The following RUVBL1 variants were observed in gnomAD, a reference collection of about 807,000 sequenced individuals.
RUVBL1 encodes RuvB like AAA ATPase 1, also known as ruvB-like 1.
Under a neutral mutation model 52.4 loss-of-function variants are expected in RUVBL1, and 4 were observed. The observed-to-expected ratio is 0.08, with a 90% CI of 0.04 to 0.17. RUVBL1 has a LOEUF of 0.17. RUVBL1 is among the 10% of genes least tolerant of loss of function. The probability of loss-of-function intolerance (pLI) is 1.00; values close to 1 mark genes in which losing one functional copy is unlikely to be tolerated. For missense variants in RUVBL1, 298 were observed against 572.8 expected (o/e 0.52, Z 4.90); for synonymous variants, 217 against 214.4 (o/e 1.01, Z -0.10).
intron 1 of RUVBL1, among the ~76,000 whole-genome samples, chr3:128,121,264 T>G (rs1384980406): frequency 9.9e-5 from 15 of 151,536 alleles, no homozygotes; most frequent in Non-Finnish European, 2.9e-5. Context: ...CCCGGCTAAT[T>G]TTTGTATTTT....
intron 1 of RUVBL1, among the ~76,000 whole-genome samples, chr3:128,130,233 T>TA (rs59553853): frequency 0.15 from 23,478 of 151,796 alleles, 2,182 homozygotes; most frequent in African/African-American, 0.26. Context: ...TATACAGAAA[T>TA]AAAAGGAATA....
chr3:128,066,773 A>C, intron 9 of RUVBL1: 1 of 598,994 alleles, frequency 1.7e-6, no homozygotes, highest in South Asian at 2.1e-5. Context: ...GGATGTGCCA[A>C]GTGCAGGAGT....
At position 128,081,366 on chromosome 3, in the gene RUVBL1, T is replaced by A; in HGVS notation, c.1255A>T (p.Ile419Phe). 3.7e-6 allele frequency: 6 copies of A among 1,614,182 alleles called. No homozygotes were observed. The highest frequency in any genetic ancestry group is 5.1e-6 in the Non-Finnish European group (6 of 1,179,998). ...LLTPANLLAK[I>F]NGKDSIEKEH... ...TTCTCAATGCTGTCCTTCCCGTTGA[T>A]TTTAGCAAGCAAGTTGGCCGGGGTC... The change falls in exon 11 of 11, where the codon ATC becomes TTC. Residue 419 changes from isoleucine (I) to phenylalanine (F), a missense_variant. By Grantham distance (21) the Ile-to-Phe change is conservative. Transcript: ENST00000322623. This position sits in a 1 kb window ranked among gnomAD's most constrained non-coding sequence, Gnocchi z 4.8.
chr3:128,133,563 G>C (rs988687528), intron 1 of RUVBL1, among the ~76,000 whole-genome samples: 2 of 152,108 alleles, frequency 1.3e-5, no homozygotes, highest in African/African-American at 4.8e-5. Context: ...TTTGTTCCTG[G>C]GAAAGTACGG....
At chr3:128,140,228 G>GT (rs372296453) in intron 1 of RUVBL1, among the ~76,000 whole-genome samples, 24,052 of 53,040 alleles carry the variant, frequency 0.45, 5,327 homozygotes, top group African/African-American at 0.65. Context: ...TTTTTTGTTT[G>GT]TTTGTTTTTT....
At chr3:128,152,482 T>A (rs1390368369) in intron 1 of RUVBL1, among the ~76,000 whole-genome samples, 1 of 152,204 alleles carries the variant, frequency 6.6e-6, no homozygotes, top group East Asian at 1.9e-4. Flanking sequence ...TGCTCCTTTT[T>A]ATCTCAGCTT....
Position 128,073,354 on chromosome 3 carries a change from C to T in RUVBL1, c.940-8134G>A, listed in dbSNP as rs558668420. On this transcript the variant is annotated intron_variant, in intron 9 of 9. Transcript: ENST00000464873. ...CTGATGCCCTACCCCATACCCCGCC[C>T]CCAGCCTGCTCCTGCTGAAGCCAGG... Among the ~76,000 whole-genome samples the T allele has an allele frequency of 1.9e-3, 284 of 152,312 alleles. 1 individual carries two copies. The highest frequency in any genetic ancestry group is 3.4e-3 in the Non-Finnish European group (234 of 68,028).
chr3:128,107,367 T>C (rs1943267933), intron 3 of RUVBL1, among the ~76,000 whole-genome samples: 1 of 152,226 alleles, frequency 6.6e-6, no homozygotes, highest in Non-Finnish European at 1.5e-5. Flanking sequence ...AACTCACAAA[T>C]GTGGAGACAT....
intron 2 of RUVBL1, 54 bp downstream of exon 2, chr3:128,119,274 A>G (rs925484286): frequency 2.0e-5 from 27 of 1,383,156 alleles, no homozygotes; most frequent in Non-Finnish European, 2.8e-5. Context: ...AATTTGGCTT[A>G]GACACTAGGA....
At chr3:128,097,273 C>A in intron 8 of RUVBL1, 27 bp downstream of exon 8, 1 of 1,606,728 alleles carries the variant, frequency 6.2e-7, no homozygotes, top group South Asian at 1.1e-5. Context: ...TTAAAAAAGC[C>A]TTGTGGCTGG....
intron 1 of RUVBL1, among the ~76,000 whole-genome samples, chr3:128,140,196 C>G (rs1160980275): frequency 1.3e-5 from 2 of 148,580 alleles, no homozygotes; most frequent in Admixed American, 1.4e-4. Context: ...TAAAAACTTC[C>G]TCAATATGAT....
intron 9 of RUVBL1, chr3:128,075,185 CAGAT>C (rs1052363746): frequency 3.3e-5 from 5 of 152,358 alleles, no homozygotes; most frequent in African/African-American, 9.6e-5. Context: ...ATACTGTCCT[CAGAT>C]AGCAGATATT....
chr3:128,067,417 C>G lies in RUVBL1; in HGVS notation c.940-2197G>C. The stretch of plus-strand genomic sequence containing the variant: ...TCACATGCGTTTGGTTTCTTCTTCC[C>G]CAGGACACGTCTTCTGGGGGCCCAG... On this transcript the variant is annotated intron_variant, in intron 9 of 9. Transcript: ENST00000464873. The surrounding 1 kb of genome is among the most constrained non-coding windows in gnomAD (Gnocchi z 4.1). 6.2e-7 allele frequency: 1 copy of G among 1,609,396 alleles called. No individual in the cohort carries two copies. Among genetic ancestry groups the G allele is most frequent in the Non-Finnish European group, 8.5e-7 (1 of 1,178,284 alleles).
chr3:128,095,300 T>C (rs1942943241), intron 8 of RUVBL1, among the ~76,000 whole-genome samples: 2 of 152,246 alleles, frequency 1.3e-5, no homozygotes, highest in Admixed American at 1.3e-4. Flanking sequence ...GGGAAGCCTA[T>C]TAGCAGAGCT....
Position 128,104,895 on chromosome 3 carries a change from A to C in RUVBL1, c.391T>G (p.Tyr131Asp). ...GTTAGCTCTGTGACTTCACCTTCATAAACTTCCTTGGTCTCCTTTATTCGC... is the reference window on the plus strand; with the variant it reads ...GTTAGCTCTGTGACTTCACCTTCATCAACTTCCTTGGTCTCCTTTATTCGC... ...GLRIKETKEV[Y>D]EGEVTELTPC... Residue 131 changes from tyrosine (Y) to aspartate (D), a missense_variant, in exon 4 of 11, where the codon TAT (tyrosine) becomes GAT (aspartate). Physicochemically the swap from Tyr to Asp is radical, Grantham distance 160 (BLOSUM62 -3). Coordinates refer to ENST00000322623, the MANE Select transcript of RUVBL1 (RefSeq NM_003707.3). 1 of 1,611,798 alleles carries C rather than the reference A, an allele frequency of 6.2e-7. No homozygotes were observed. Among genetic ancestry groups the C allele is most frequent in the Non-Finnish European group, 8.5e-7 (1 of 1,178,062 alleles).
chr3:128,122,554 A>C (rs1943673790), intron 1 of RUVBL1, among the ~76,000 whole-genome samples: 1 of 152,270 alleles, frequency 6.6e-6, no homozygotes, highest in African/African-American at 2.4e-5. Context: ...GCTGCTTAGT[A>C]AGCCAGGGTC....
At chr3:128,103,478 G>A (rs1418877957) in intron 4 of RUVBL1, among the ~76,000 whole-genome samples, 2 of 152,192 alleles carry the variant, frequency 1.3e-5, no homozygotes, top group African/African-American at 2.4e-5. Flanking sequence ...ACATTTTTAT[G>A]ATCTCCATAA....
At chr3:128,072,131 C>G (rs918215641) in intron 9 of RUVBL1, among the ~76,000 whole-genome samples, 18 of 152,296 alleles carry the variant, frequency 1.2e-4, no homozygotes, top group African/African-American at 4.3e-4. Flanking sequence ...CCAGAAGGAC[C>G]CAGTGTTGTG....
chr3:128,142,156 C>T (rs368885134), intron 1 of RUVBL1, among the ~76,000 whole-genome samples: 14 of 152,310 alleles, frequency 9.2e-5, no homozygotes, highest in East Asian at 3.9e-4. Flanking sequence ...CACGTCCCAA[C>T]GCAATGGGTA....
Sources: allele counts gnomAD v4.1 joint callset (sites outside exome capture counted in the v4.1 genomes callset), GRCh38; gene constraint gnomAD v4.1.1; non-coding constraint Gnocchi (gnomAD v3.1); transcripts MANE v1.5; gene names NCBI Gene and HGNC (gene_info 2026-07-23, HGNC 2026-07-21).